Variants in SPARC observed in about 807,000 individuals in gnomAD.
SPARC encodes basement-membrane protein 40.
SPARC carries 23 observed loss-of-function variants against 37.7 expected under a neutral mutation model. The ratio of observed to expected loss-of-function variants is 0.61; its 90% CI spans 0.44 to 0.87. The LOEUF (loss-of-function observed/expected upper bound fraction) is 0.87, where lower values mean the gene tolerates loss of function less well. Ranked by LOEUF, SPARC falls within the 40% of genes least tolerant of loss-of-function variation. The probability of loss-of-function intolerance (pLI) is 0.00; values close to 1 mark genes in which losing one functional copy is unlikely to be tolerated. For missense variants in SPARC, 312 were observed against 389.0 expected (o/e 0.80, Z 1.66); for synonymous variants, 155 against 150.8 (o/e 1.03, Z -0.20).
chr5:151,663,375 A>C lies in SPARC; in HGVS notation c.*196T>G. On this transcript the variant is annotated 3_prime_UTR_variant, in exon 10 of 10. Transcript: ENST00000231061. ...TATTAATGCGTGTGGAAAAGGCCTT[A>C]ATAGTTAAGTTACAGCTAAGAATGT... is the stretch of plus-strand genomic sequence containing the variant. 1.6e-6 allele frequency: 1 copy of C among 611,122 alleles called. No homozygotes were observed. Among genetic ancestry groups the C allele is most frequent in the East Asian group, 2.8e-5 (1 of 36,020 alleles). The allele number at this position is 611,122 out of a possible 1,614,324, so 37.9% of individuals were successfully genotyped here.
chr5:151,677,423 T>A (rs766465588), intron 1 of SPARC, among the ~76,000 whole-genome samples: 1 of 152,156 alleles, frequency 6.6e-6, no homozygotes, highest in Non-Finnish European at 1.5e-5. Flanking sequence ...AGGCTCATCA[T>A]CCCTTATTTC....
At chr5:151,671,930 G>A (rs1225170624) in intron 4 of SPARC, 1 of 497,968 alleles carries the variant, frequency 2.0e-6, no homozygotes, top group South Asian at 2.8e-5. Context: ...GCACTTCTGG[G>A]GGGCTGGAGG....
intron 1 of SPARC, among the ~76,000 whole-genome samples, chr5:151,678,330 C>T (rs563656490): frequency 2.6e-5 from 4 of 152,278 alleles, no homozygotes; most frequent in Middle Eastern, 3.4e-3. Context: ...GGGAAGGTTT[C>T]GCTGGGCGGC....
chr5:151,665,346 A>G (rs902777788), intron 8 of SPARC, among the ~76,000 whole-genome samples: 3 of 152,152 alleles, frequency 2.0e-5, no homozygotes, highest in African/African-American at 7.2e-5. Context: ...TGAGTGACTC[A>G]GTTGGATCCC....
intron 7 of SPARC, among the ~76,000 whole-genome samples, chr5:151,666,972 C>T (rs554833546): frequency 1.3e-5 from 2 of 152,278 alleles, no homozygotes; most frequent in East Asian, 1.9e-4. Flanking sequence ...TGCAGTGAAC[C>T]GAGATCGCAC....
intron 7 of SPARC, 43 bp downstream of exon 7, chr5:151,667,424 T>C: frequency 6.2e-7 from 1 of 1,613,060 alleles, no homozygotes; most frequent in Non-Finnish European, 8.5e-7. Context: ...TGGGACTGGA[T>C]CTTCACCAGC....
chr5:151,664,007 G>C (rs1156931785), intron 9 of SPARC, 80 bp downstream of exon 9: 1 of 1,528,960 alleles, frequency 6.5e-7, no homozygotes, highest in South Asian at 1.1e-5. Flanking sequence ...CAAGAGAGCG[G>C]AGAGTGGGGG....
Position 151,663,577 on chromosome 5 carries a change from C to T in SPARC, c.906G>A (p.Val302=), listed in dbSNP as rs1760560081. The T allele has an allele frequency of 2.5e-6, 4 of 1,614,016 alleles. No individual in the cohort carries two copies. In the East Asian group the frequency reaches 8.9e-5, roughly 36 times the overall value. The change falls in exon 10 of 10, where the codon GTG becomes GTA. Residue 302 remains valine (V), a synonymous_variant. Coordinates refer to ENST00000231061, the MANE Select transcript of SPARC (RefSeq NM_003118.4). The part of the protein sequence containing the change: ...IKQKDIDKDL[V]I ...TACTGTGGAAGGAGTGGATTTAGAT[C>T]ACAAGATCCTTGTCGATATCCTCTG...
chr5:151,663,994 G>A (rs1411437684), intron 9 of SPARC, 93 bp downstream of exon 9: 17 of 1,468,196 alleles, frequency 1.2e-5, no homozygotes, highest in Non-Finnish European at 1.6e-5. Context: ...ACAACAGACA[G>A]ACCAAGAGAG....
In SPARC at chr5:151,671,495, C is replaced by T. The variant is rs566912918; in HGVS notation, c.330+78G>A. On this transcript the variant is annotated intron_variant, in intron 5 of 9. Coordinates refer to ENST00000231061, the MANE Select transcript of SPARC (RefSeq NM_003118.4). ...GGCACTGCCCCATAGAACCACCAAG[C>T]CAACAGTTTCCTGAGCAGACATCCT... The T allele has an allele frequency of 1.3e-4, 196 of 1,480,508 alleles. No homozygotes were observed. The African/African-American group carries it at 2.5e-3, about 19-fold the overall frequency. The allele number at this position is 1,480,508 out of a possible 1,614,324, so 91.7% of individuals were successfully genotyped here.
intron 1 of SPARC, among the ~76,000 whole-genome samples, chr5:151,677,362 G>A (rs1581528468): frequency 1.3e-5 from 2 of 152,210 alleles, no homozygotes; most frequent in African/African-American, 4.8e-5. Flanking sequence ...CTTCCATCAG[G>A]AGCAACAGTG....
chr5:151,684,600 C>T (rs546856348), intron 1 of SPARC, among the ~76,000 whole-genome samples: 1 of 128,492 alleles, frequency 7.8e-6, no homozygotes, highest in African/African-American at 2.8e-5. Context: ...GATGGAGCTG[C>T]CAGGAAAAAA....
Position 151,679,576 on chromosome 5 carries a change from A to T in SPARC, c.-13-3375T>A, listed in dbSNP as rs116693891. 1,010 of 152,604 alleles carry T rather than the reference A, an allele frequency of 6.6e-3. 10 individuals carry two copies. The highest frequency in any genetic ancestry group is 0.023 in the African/African-American group (972 of 41,588). The allele number at this position is 152,604 out of a possible 1,614,324, so 9.5% of individuals were successfully genotyped here. A position where few individuals can be genotyped will look rare whatever the true frequency, so the allele number is the denominator to read the frequency against. ...GGCATGGTGGCCATCAAATGCAGAC[A>T]GTTTTAGCCCCCTCCCAGCCGCCAC... On this transcript the variant is annotated intron_variant, in intron 1 of 9. Transcript: ENST00000231061.
intron 6 of SPARC, among the ~76,000 whole-genome samples, chr5:151,669,176 G>A (rs1760693518): frequency 6.6e-6 from 1 of 152,188 alleles, no homozygotes; most frequent in Non-Finnish European, 1.5e-5. Flanking sequence ...GGAATGTAAT[G>A]GAGTAAAAGG....
intron 2 of SPARC, 106 bp from the exon 3 acceptor site, chr5:151,674,780 CT>C: frequency 9.4e-7 from 1 of 1,064,984 alleles, no homozygotes; most frequent in Non-Finnish European, 1.4e-6. Flanking sequence ...TGGAGAGCAG[CT>C]TACTGGAGAT....
chr5:151,677,723 G>A (rs753848932), intron 1 of SPARC, among the ~76,000 whole-genome samples: 4 of 152,158 alleles, frequency 2.6e-5, no homozygotes, highest in Non-Finnish European at 5.9e-5. Context: ...TTGTACTATA[G>A]CATTTGGGAA....
chr5:151,682,730 G>A (rs909877850), intron 1 of SPARC, among the ~76,000 whole-genome samples: 1 of 152,182 alleles, frequency 6.6e-6, no homozygotes, highest in African/African-American at 2.4e-5. Flanking sequence ...ACGGCAAGCT[G>A]GTGTCTAAGC....
intron 1 of SPARC, among the ~76,000 whole-genome samples, chr5:151,676,501 G>C (rs1279142484): frequency 1.3e-5 from 2 of 152,166 alleles, no homozygotes; most frequent in Non-Finnish European, 2.9e-5. Flanking sequence ...AGCTGGAACT[G>C]AATCAAGTTG....
chr5:151,681,689 C>G (rs551796190), intron 1 of SPARC, among the ~76,000 whole-genome samples: 2 of 152,202 alleles, frequency 1.3e-5, no homozygotes, highest in Admixed American at 1.3e-4. Context: ...GTCAGCAGTT[C>G]GAGACCAGCC....
Sources: gnomAD v4.1 joint callset for allele counts (sites outside exome capture counted in the v4.1 genomes callset) on GRCh38, gnomAD v4.1.1 for gene constraint, MANE v1.5 for transcripts, NCBI Gene and HGNC (gene_info 2026-07-23, HGNC 2026-07-21) for gene names.